Variants in NSL1 observed in about 807,000 individuals in gnomAD.
NSL1 encodes NSL1 component of MIS12 kinetochore complex.
A neutral mutation model predicts 25.4 loss-of-function variants in NSL1; 11 were observed. The observed-to-expected ratio is 0.43, with a 90% confidence interval of 0.27 to 0.72. The LOEUF is 0.72. Ranked by LOEUF, NSL1 falls within the 30% of genes least tolerant of loss-of-function variation. The pLI is 0.19. For synonymous variants in NSL1, 118 were observed against 120.6 expected (o/e 0.98, Z 0.14); for missense variants, 330 against 342.7 (o/e 0.96, Z 0.29).
intron 4 of NSL1, among the ~76,000 whole-genome samples, chr1:212,764,843 C>CAAAAAAAAAACAA (rs1659726598): frequency 2.6e-5 from 1 of 38,864 alleles, no homozygotes; most frequent in African/African-American, 1.2e-4. Flanking sequence ...AAGACTGTCT[C>CAAAAAAAAAACAA]AAAAAAAAAA....
intron 4 of NSL1, among the ~76,000 whole-genome samples, chr1:212,758,579 T>G (rs1659417927): frequency 6.6e-6 from 1 of 152,204 alleles, no homozygotes; most frequent in Non-Finnish European, 1.5e-5. Flanking sequence ...AATAAAGTAT[T>G]TAGGAATAAG....
chr1:212,730,152 A>C lies in NSL1; in HGVS notation c.*8256T>G. 1.1e-6 allele frequency: 1 copy of C among 871,320 alleles called. No individual in the cohort carries two copies. Among genetic ancestry groups the C allele is most frequent in the Non-Finnish European group, 1.4e-6 (1 of 732,936 alleles). 54.0% of individuals were successfully genotyped at this position (871,320 alleles called of 1,614,324 possible). Reference sequence around the variant, plus strand: ...GTAATCCCAGCTACTCGGGAGGCTAAGGCATGAGAACCTCTTGAACCTGGG... The same window carrying C: ...GTAATCCCAGCTACTCGGGAGGCTACGGCATGAGAACCTCTTGAACCTGGG... On this transcript the variant is annotated 3_prime_UTR_variant, in exon 6 of 6. Coordinates refer to ENST00000366977, the MANE Select transcript of NSL1 (RefSeq NM_015471.4).
intron 4 of NSL1, among the ~76,000 whole-genome samples, chr1:212,748,920 G>A (rs1857971): frequency 0.23 from 34,549 of 151,772 alleles, 4,654 homozygotes; most frequent in African/African-American, 0.38. Context: ...TACAATAAAC[G>A]CACTGTTTTC....
intron 4 of NSL1, among the ~76,000 whole-genome samples, chr1:212,753,122 G>C (rs1454015089): frequency 6.6e-6 from 1 of 152,170 alleles, no homozygotes; most frequent in Non-Finnish European, 1.5e-5. Context: ...ACAATTTATA[G>C]AGATGTGTTG....
chr1:212,763,284 T>C (rs2102456264), intron 4 of NSL1, among the ~76,000 whole-genome samples: 2 of 152,226 alleles, frequency 1.3e-5, no homozygotes, highest in Middle Eastern at 3.4e-3. Flanking sequence ...CTGAAAGAAG[T>C]TCTGAATCTT....
At chr1:212,787,483 TA>T in intron 2 of NSL1, 75 bp downstream of exon 2, 1 of 1,054,190 alleles carries the variant, frequency 9.5e-7, no homozygotes, top group Non-Finnish European at 1.4e-6. Context: ...ATATGGAGAT[TA>T]AAAAACAGCA....
chr1:212,756,546 G>A (rs1294962247), intron 4 of NSL1, among the ~76,000 whole-genome samples: 4 of 152,288 alleles, frequency 2.6e-5, no homozygotes, highest in Admixed American at 1.3e-4. Context: ...GGGGCTGGGC[G>A]CAGTGGCTCA....
chr1:212,742,927 T>C (rs1209002564), intron 4 of NSL1, among the ~76,000 whole-genome samples: 1 of 152,258 alleles, frequency 6.6e-6, no homozygotes, highest in Admixed American at 6.5e-5. Context: ...CTTCTGTTAA[T>C]TCAGTAACAT....
At position 212,728,135 on chromosome 1, in the gene NSL1, T is replaced by C. The variant is rs1657863219; in HGVS notation, c.*10273A>G. The C allele has an allele frequency of 3.1e-6, 3 of 960,942 alleles. No homozygotes were observed. Among genetic ancestry groups the C allele is most frequent in the Non-Finnish European group, 3.7e-6 (3 of 807,656 alleles). The allele number at this position is 960,942 out of a possible 1,614,324, so 59.5% of individuals were successfully genotyped here. The stretch of plus-strand genomic sequence containing the variant: ...GTGGTAATAGCCCTTAATTCATGGA[T>C]TGTCTTGAGGATTAAAAGAGATGGT... On this transcript the variant is annotated 3_prime_UTR_variant, in exon 6 of 6. Coordinates refer to ENST00000366977, the MANE Select transcript of NSL1 (RefSeq NM_015471.4).
At chr1:212,756,775 G>A (rs1302035781) in intron 4 of NSL1, among the ~76,000 whole-genome samples, 2 of 152,036 alleles carry the variant, frequency 1.3e-5, no homozygotes, top group Non-Finnish European at 2.9e-5. Flanking sequence ...AGCTGAGAGC[G>A]TGCCACTGCA....
intron 2 of NSL1, among the ~76,000 whole-genome samples, chr1:212,785,176 A>C (rs1192059677): frequency 2.0e-5 from 3 of 152,182 alleles, no homozygotes; most frequent in Admixed American, 1.3e-4. Flanking sequence ...GAGTAACTAG[A>C]TCTGAAATAG....
chr1:212,735,614 G>A lies in NSL1; in HGVS notation c.*2794C>T. ...TATGATGAAGCCTTAACTCCCATGTGCCTATAGCTGTATTTGGAGATGGGG... is the reference window on the plus strand; with the variant it reads ...TATGATGAAGCCTTAACTCCCATGTACCTATAGCTGTATTTGGAGATGGGG... On this transcript the variant is annotated 3_prime_UTR_variant, in exon 6 of 6. Transcript: ENST00000366977. The A allele has an allele frequency of 6.2e-6, 5 of 805,868 alleles. No homozygotes were observed. The highest frequency in any genetic ancestry group is 7.5e-6 in the Non-Finnish European group (5 of 666,172). The allele number at this position is 805,868 out of a possible 1,614,324, so 49.9% of individuals were successfully genotyped here. A position where few individuals can be genotyped will look rare whatever the true frequency, so the allele number is the denominator to read the frequency against.
At chr1:212,790,566 T>C (rs1037972820) in intron 1 of NSL1, among the ~76,000 whole-genome samples, 1 of 151,994 alleles carries the variant, frequency 6.6e-6, no homozygotes, top group African/African-American at 2.4e-5. Context: ...GCGGAAAAAA[T>C]TTAAAAGCTC....
chr1:212,788,285 T>C (rs1416545322), intron 1 of NSL1, among the ~76,000 whole-genome samples: 1 of 152,194 alleles, frequency 6.6e-6, no homozygotes, highest in East Asian at 1.9e-4. Flanking sequence ...CAGTGGCACA[T>C]GCCTGTAGTC....
intron 4 of NSL1, among the ~76,000 whole-genome samples, chr1:212,775,793 T>A (rs73083707): frequency 0.2 from 31,022 of 151,880 alleles, 3,988 homozygotes; most frequent in African/African-American, 0.37. Context: ...AATTAATCAT[T>A]GAGTACAAAA....
At chr1:212,773,993 T>C (rs891860882) in intron 4 of NSL1, among the ~76,000 whole-genome samples, 1 of 151,426 alleles carries the variant, frequency 6.6e-6, no homozygotes, top group South Asian at 2.1e-4. Context: ...ACTAAAAAAA[T>C]TGATCTCATG....
rs1657963556 is a variant in NSL1, at chr1:212,730,258, A to G, written c.*8150T>C. The G allele has an allele frequency of 6.1e-6, 6 of 982,246 alleles. No homozygotes were observed. The highest frequency in any genetic ancestry group is 4.7e-5 in the South Asian group (1 of 21,188). The allele number at this position is 982,246 out of a possible 1,614,324, so 60.8% of individuals were successfully genotyped here. On this transcript the variant is annotated 3_prime_UTR_variant, in exon 6 of 6. Coordinates refer to ENST00000366977, the MANE Select transcript of NSL1 (RefSeq NM_015471.4). ...GTCTCAAAAAAAAAAAAAAAAAAAA[A>G]AAAAAAAGAAATGCGCCAAGTCTCA...
In NSL1 at chr1:212,730,305, A is replaced by G; in HGVS notation, c.*8103T>C. The G allele has an allele frequency of 3.1e-6, 3 of 972,880 alleles. No individual in the cohort carries two copies. Among genetic ancestry groups the G allele is most frequent in the Non-Finnish European group, 3.7e-6 (3 of 820,514 alleles). 60.3% of individuals were successfully genotyped at this position (972,880 alleles called of 1,614,324 possible). On this transcript the variant is annotated 3_prime_UTR_variant, in exon 6 of 6. Coordinates refer to ENST00000366977, the MANE Select transcript of NSL1 (RefSeq NM_015471.4). ...CTCAGGTATTTATGGACTGGTGAAG[A>G]GTTGTGTGGAGGGTGGCATTCCCAT...
At chr1:212,746,121 A>G (rs1658781067) in intron 4 of NSL1, among the ~76,000 whole-genome samples, 1 of 152,244 alleles carries the variant, frequency 6.6e-6, no homozygotes, top group Non-Finnish European at 1.5e-5. Flanking sequence ...ATACCAATAA[A>G]GGTAACTACA....
Sources: allele counts gnomAD v4.1 joint callset (sites outside exome capture counted in the v4.1 genomes callset), GRCh38; gene constraint gnomAD v4.1.1; transcripts MANE v1.5; gene names NCBI Gene and HGNC (gene_info 2026-07-23, HGNC 2026-07-21).